The following YIF1A variants were observed in gnomAD, a reference collection of about 807,000 sequenced individuals.
YIF1A encodes the protein Yip1 interacting factor homolog A, membrane trafficking protein.
A neutral mutation model predicts 32.6 loss-of-function variants in YIF1A; 28 were observed. That is an observed-to-expected ratio of 0.86 (90% confidence interval 0.64 to 1.18). The LOEUF is 1.18. YIF1A is among the 50% of genes most tolerant of loss of function. YIF1A has a pLI of 0.00. For synonymous variants in YIF1A, 175 were observed against 162.2 expected (o/e 1.08, Z -0.60); for missense variants, 373 against 390.8 (o/e 0.95, Z 0.38).
At position 66,288,274 on chromosome 11, in the gene YIF1A, CGGGCCCTGTGCTTGGAGCCTGT is replaced by C; in HGVS notation, c.32-4_49del. ...GAGGGGAGGGGGATCCGGGGCTGCCCGGGCCCTGTGCTTGGAGCCTGTGGGTTTGGAGGTATCAGAGTAGATG... is the reference window on the plus strand; with the variant it reads ...GAGGGGAGGGGGATCCGGGGCTGCCCGGGTTTGGAGGTATCAGAGTAGATG... On this transcript the variant is annotated splice_acceptor_variant and splice_polypyrimidine_tract_variant and coding_sequence_variant and intron_variant, in exon 2 of 8. Transcript: ENST00000376901. LOFTEE classifies it high-confidence loss of function. 1 of 1,614,056 alleles carries C rather than the reference CGGGCCCTGTGCTTGGAGCCTGT, an allele frequency of 6.2e-7. No individual in the cohort carries two copies. The highest frequency in any genetic ancestry group is 8.5e-7 in the Non-Finnish European group (1 of 1,180,036).
Position 66,285,164 on chromosome 11 carries a change from C to A in YIF1A, c.642-198G>T, listed in dbSNP as rs2282567. The A allele has an allele frequency of 0.12, 108,186 of 880,542 alleles. 8,150 individuals are homozygous for A. Among genetic ancestry groups the A allele is most frequent in the Admixed American group, 0.29 (10,131 of 35,362 alleles). 54.5% of individuals were successfully genotyped at this position (880,542 alleles called of 1,614,324 possible). ...GCCCCAGGACCTGGATCTGAGACCC[C>A]CTTCTCTCCCCAAGACTCGCAGAGT... is the stretch of plus-strand genomic sequence containing the variant. On this transcript the variant is annotated intron_variant, in intron 6 of 7. Transcript: ENST00000376901.
rs755625311 is a variant in YIF1A at position 66,284,798 on chromosome 11, A to T, written c.736-15T>A. ...AAAGAGCGCACCTGGAAGAAAGGAG[A>T]ACTGAAGCCTGGCCAGGAGGGGGAG... On this transcript the variant is annotated splice_polypyrimidine_tract_variant and intron_variant, in intron 7 of 7. Transcript: ENST00000376901. The T allele has an allele frequency of 5.0e-6, 8 of 1,611,162 alleles. No homozygotes were observed. The highest frequency in any genetic ancestry group is 6.8e-6 in the Non-Finnish European group (8 of 1,179,016).
At chr11:66,287,149 G>C (rs982398494) in intron 4 of YIF1A, 3 of 172,808 alleles carry the variant, frequency 1.7e-5, no homozygotes, top group Admixed American at 5.4e-5. Flanking sequence ...ACGATGATAA[G>C]AGTTAATGTT....
At position 66,284,778 on chromosome 11, in the gene YIF1A, G is replaced by T. The variant is rs1349675984; in HGVS notation, c.741C>A (p.Arg247=). The change falls in exon 8 of 8, where the codon CGC becomes CGA. Residue 247 remains arginine (R), a synonymous_variant. Coordinates refer to ENST00000376901, the MANE Select transcript of YIF1A (RefSeq NM_020470.3). ...TSSALMYFIV[R]SLRTAALGPD... is the part of the protein sequence containing the mutation. ...GGCCCAGGGCTGCTGTCCGCAAAGA[G>T]CGCACCTGGAAGAAAGGAGAACTGA... The T allele has an allele frequency of 6.2e-7, 1 of 1,611,590 alleles. No individual in the cohort carries two copies. Among genetic ancestry groups the T allele is most frequent in the Admixed American group, 1.7e-5 (1 of 59,922 alleles).
chr11:66,285,845 T>C, intron 4 of YIF1A, 87 bp from the exon 5 acceptor site: 1 of 1,448,364 alleles, frequency 6.9e-7, no homozygotes, highest in East Asian at 2.4e-5. Flanking sequence ...ACATGTCCCA[T>C]ACTTCCTTCT....
Position 66,288,185 on chromosome 11 carries a change from C to T in YIF1A, c.139G>A (p.Val47Met), listed in dbSNP as rs774658648. The T allele has an allele frequency of 6.2e-7, 1 of 1,614,032 alleles. No homozygotes were observed. Among genetic ancestry groups the T allele is most frequent in the East Asian group, 2.2e-5 (1 of 44,900 alleles). The change falls in exon 2 of 8, where the codon GTG (valine) becomes ATG (methionine). Residue 47 changes from valine (V) to methionine (M), a missense_variant. Physicochemically the swap from Val to Met is conservative, Grantham distance 21. Transcript: ENST00000376901. Reference sequence around the variant, plus strand: ...AGCAAGTGGTTGACACTGAAGGCCACGTCTGCTCCTGTGGCTGGGTATCCC... The same window carrying T: ...AGCAAGTGGTTGACACTGAAGGCCATGTCTGCTCCTGTGGCTGGGTATCCC... ...PGGYPATGAD[V>M]AFSVNHLLGD... is the part of the protein sequence containing the mutation.
In YIF1A at chr11:66,285,423, C is replaced by T. The variant is rs556851961; in HGVS notation, c.599G>A (p.Ser200Asn). ...LYLATVRSDL[S>N]TFHLLAYSGY... ...ACTGTAGGCCAGCAGGTGAAAGGTG[C>T]TCAGGTCACTGCGCACGGTGGCCAG... Residue 200 changes from serine to asparagine, a missense_variant, in exon 6 of 8, where the codon AGC becomes AAC. Coordinates refer to ENST00000376901, the MANE Select transcript of YIF1A (RefSeq NM_020470.3). 1.8e-4 allele frequency: 297 copies of T among 1,613,486 alleles called. 2 individuals carry two copies. The South Asian group carries it at 3.2e-3, about 17-fold the overall frequency.
In YIF1A at chr11:66,288,154, T is replaced by TC. The variant is rs2134890727; in HGVS notation, c.169dup (p.Asp57GlyfsTer69). 2 of 1,614,094 alleles carry TC rather than the reference T, an allele frequency of 1.2e-6. No individual in the cohort carries two copies. The highest frequency in any genetic ancestry group is 4.5e-5 in the East Asian group (2 of 44,882). ...GGCCATAGCCACATTGGCCATTGGG[T>TC]CCCCAAGCAAGTGGTTGACACTGAA... is the stretch of plus-strand genomic sequence containing the variant. On this transcript the variant is annotated frameshift_variant, in exon 2 of 8. Transcript: ENST00000376901. LOFTEE classifies it high-confidence loss of function.
chr11:66,288,034 G>T (rs1857388530), intron 2 of YIF1A, 47 bp downstream of exon 2: 1 of 1,609,854 alleles, frequency 6.2e-7, no homozygotes, highest in South Asian at 1.1e-5. Flanking sequence ...TGATGCCCCA[G>T]CCCTAGCCAA....
chr11:66,286,728 T>C (rs765321342), intron 4 of YIF1A, among the ~76,000 whole-genome samples: 5 of 152,220 alleles, frequency 3.3e-5, no homozygotes, highest in Non-Finnish European at 5.9e-5. Context: ...CTTTGAGGCC[T>C]CAATGATACT....
chr11:66,287,762 A>G, intron 3 of YIF1A, 50 bp downstream of exon 3: 1 of 1,610,592 alleles, frequency 6.2e-7, no homozygotes, highest in African/African-American at 1.3e-5. Context: ...TGGGGGCCAG[A>G]CTCGGGCAGA....
Position 66,288,944 on chromosome 11 carries a change from G to T in YIF1A, c.31+11C>A. 6.6e-7 allele frequency: 1 copy of T among 1,505,676 alleles called. No individual in the cohort carries two copies. Among genetic ancestry groups the T allele is most frequent in the Admixed American group, 2.3e-5 (1 of 43,442 alleles). The allele number at this position is 1,505,676 out of a possible 1,614,324, so 93.3% of individuals were successfully genotyped here. On this transcript the variant is annotated intron_variant, in intron 1 of 7. Transcript: ENST00000376901. ...GCCGGCCGCGCCGCGCCCCGCCCGC[G>T]CCCCACGCACCGTGGGCTCCGTAGC...
At chr11:66,286,101 C>G (rs1310584152) in intron 4 of YIF1A, among the ~76,000 whole-genome samples, 1 of 152,248 alleles carries the variant, frequency 6.6e-6, no homozygotes, top group Non-Finnish European at 1.5e-5. Flanking sequence ...CTGGCAAGAC[C>G]AGAAGCCAGG....
Position 66,288,104 on chromosome 11 carries a change from C to A in YIF1A, c.220G>T (p.Gly74Trp). The change falls in exon 2 of 8, where the codon GGG becomes TGG. Residue 74 changes from glycine (G) to tryptophan (W), a missense_variant. By Grantham distance (184) the Gly-to-Trp change is radical (BLOSUM62 -2). Coordinates refer to ENST00000376901, the MANE Select transcript of YIF1A (RefSeq NM_020470.3). ...MAYGSSIASH[G>W]KDMVHKELHR... ...ACCTCCTTGTGCACCATGTCCTTCC[C>A]ATGGGATGCGATGGAGCTGCCATAG... The A allele has an allele frequency of 6.2e-7, 1 of 1,613,860 alleles. No homozygotes were observed. The highest frequency in any genetic ancestry group is 8.5e-7 in the Non-Finnish European group (1 of 1,179,988).
chr11:66,286,429 C>A (rs781533588), intron 4 of YIF1A, among the ~76,000 whole-genome samples: 1 of 152,186 alleles, frequency 6.6e-6, no homozygotes. Flanking sequence ...CCAGCCTGGG[C>A]AACATGGCAA....
At chr11:66,287,573 T>TAC in intron 4 of YIF1A, 25 bp downstream of exon 4, 1 of 1,604,008 alleles carries the variant, frequency 6.2e-7, no homozygotes, top group Non-Finnish European at 8.5e-7. Context: ...CCCACCACGT[T>TAC]CCCCAGCCCA....
chr11:66,285,157 G>T, intron 6 of YIF1A, 191 bp from the exon 7 acceptor site: 1 of 877,664 alleles, frequency 1.1e-6, no homozygotes, highest in Non-Finnish European at 1.7e-6. Context: ...ACCTGGATCT[G>T]AGACCCCCTT....
chr11:66,284,640 C>T lies in YIF1A; in HGVS notation c.879G>A (p.Arg293=). The T allele has an allele frequency of 6.2e-7, 1 of 1,612,730 alleles. No individual in the cohort carries two copies. The highest frequency in any genetic ancestry group is 8.5e-7 in the Non-Finnish European group (1 of 1,179,892). The part of the protein sequence containing the change: ...IIYWLTFHLV[R] The stretch of plus-strand genomic sequence containing the variant: ...AGTGCCATCTGGGGCCAGGGGGTCA[C>T]CGGACCAGGTGGAAAGTCAGCCAGT... Residue 293 remains arginine (R), a synonymous_variant, in exon 8 of 8, where the codon CGG becomes CGA. Transcript: ENST00000376901.
In YIF1A at chr11:66,287,652, C is replaced by G. The variant is rs780564448; in HGVS notation, c.373G>C (p.Asp125His). The G allele has an allele frequency of 1.9e-6, 3 of 1,612,048 alleles. No individual in the cohort carries two copies. In the South Asian group the frequency reaches 3.3e-5, roughly 18 times the overall value. Reference protein sequence around the residue: ...HQNWEVQYSRDAPLPPRQDLN... With the variant: ...HQNWEVQYSRHAPLPPRQDLN... ...TCTTGCCGGGGGGGCAGAGGAGCAT[C>G]ACGACTGTACTGCACTTCCCAGTTC... The change falls in exon 4 of 8, where the codon GAT (aspartate) becomes CAT (histidine). Residue 125 changes from aspartate (D) to histidine (H), a missense_variant. Physicochemically the swap from Asp to His is moderately conservative, Grantham distance 81. Coordinates refer to ENST00000376901, the MANE Select transcript of YIF1A (RefSeq NM_020470.3).
Sources: allele counts gnomAD v4.1 joint callset (sites outside exome capture counted in the v4.1 genomes callset), GRCh38; gene constraint gnomAD v4.1.1; transcripts MANE v1.5; gene names NCBI Gene and HGNC (gene_info 2026-07-23, HGNC 2026-07-21).